The following EML6 variants were observed in gnomAD, a reference collection of about 807,000 sequenced individuals.
EML6 encodes the protein echinoderm microtubule-associated protein-like 6.
EML6 carries 154 observed loss-of-function variants against 240.1 expected under a neutral mutation model. The ratio of observed to expected loss-of-function variants is 0.64; its 90% CI spans 0.56 to 0.73. The LOEUF (loss-of-function observed/expected upper bound fraction) is 0.73. Among genes scored for constraint, EML6 ranks in the 30% least tolerant of loss-of-function variants. The pLI is 0.00. For missense variants in EML6, 2,964 were observed against 2,474.6 expected (o/e 1.20, Z -4.20); for synonymous variants, 1,148 against 899.0 (o/e 1.28, Z -4.95).
chr2:54,866,949 A>G (rs1354957848), intron 14 of EML6, 65 bp downstream of exon 14: 6 of 940,560 alleles, frequency 6.4e-6, no homozygotes, highest in East Asian at 5.3e-5. Flanking sequence ...CACCAACCTT[A>G]GCACCAGGCT....
intron 41 of EML6, among the ~76,000 whole-genome samples, chr2:54,969,868 A>T (rs1676914235): frequency 6.6e-6 from 1 of 152,188 alleles, no homozygotes; most frequent in Admixed American, 6.5e-5. Context: ...AACCAAACAG[A>T]ACTCAACTGA....
At chr2:54,755,391 T>G (rs1250723094) in intron 2 of EML6, among the ~76,000 whole-genome samples, 1 of 152,238 alleles carries the variant, frequency 6.6e-6, no homozygotes, top group Non-Finnish European at 1.5e-5. Flanking sequence ...CAATTTCCAT[T>G]AAAAACCTGC....
At chr2:54,830,018 C>A (rs933336566) in intron 7 of EML6, among the ~76,000 whole-genome samples, 5 of 152,112 alleles carry the variant, frequency 3.3e-5, no homozygotes, top group Non-Finnish European at 7.3e-5. Context: ...CTAGCACCAG[C>A]CTCCCATAGT....
intron 21 of EML6, among the ~76,000 whole-genome samples, chr2:54,897,582 T>C (rs765330365): frequency 6.6e-6 from 1 of 152,206 alleles, no homozygotes; most frequent in African/African-American, 2.4e-5. Flanking sequence ...ATCTCTTAGC[T>C]TGGACACTTC....
chr2:54,889,814 G>T (rs1387999238), intron 17 of EML6, among the ~76,000 whole-genome samples: 2 of 152,186 alleles, frequency 1.3e-5, no homozygotes, highest in Non-Finnish European at 2.9e-5. Flanking sequence ...TTAAATGGTA[G>T]TGGTAATTAT....
chr2:54,868,866 G>C (rs994085994), intron 14 of EML6: 1 of 257,676 alleles, frequency 3.9e-6, no homozygotes, highest in African/African-American at 2.2e-5. Flanking sequence ...TATGAGAGGG[G>C]AGATGGGAAA....
At chr2:54,861,688 C>A (rs1033092848) in intron 12 of EML6, among the ~76,000 whole-genome samples, 1 of 151,858 alleles carries the variant, frequency 6.6e-6, no homozygotes, top group African/African-American at 2.4e-5. Flanking sequence ...TTGAGAGGCA[C>A]CTTAAAACCA....
At chr2:54,913,105 G>C (rs1007612434) in intron 25 of EML6, among the ~76,000 whole-genome samples, 3 of 136,000 alleles carry the variant, frequency 2.2e-5, no homozygotes, top group Non-Finnish European at 4.6e-5. Context: ...TTTAATAATA[G>C]CCATTCTGAA....
chr2:54,961,060 G>C (rs1215978028), intron 35 of EML6, among the ~76,000 whole-genome samples: 1 of 151,932 alleles, frequency 6.6e-6, no homozygotes, highest in Non-Finnish European at 1.5e-5. Flanking sequence ...ACTGGATATG[G>C]AGTACCACAT....
intron 7 of EML6, among the ~76,000 whole-genome samples, chr2:54,831,544 C>G (rs191048040): frequency 1.3e-5 from 2 of 152,194 alleles, no homozygotes; most frequent in African/African-American, 4.8e-5. Flanking sequence ...GATTCCCGCC[C>G]CATCCTTACC....
At chr2:54,854,513 T>C (rs1265100795) in intron 11 of EML6, among the ~76,000 whole-genome samples, 2 of 152,242 alleles carry the variant, frequency 1.3e-5, no homozygotes, top group African/African-American at 4.8e-5. Flanking sequence ...GCAAAGCCCA[T>C]ATTCAGGCTC....
chr2:54,886,092 C>T lies in EML6; in HGVS notation c.2439-4962C>T, dbSNP rs943371858. 2.6e-5 allele frequency among the ~76,000 whole-genome samples: 4 copies of T among 151,066 alleles called. No homozygotes were observed. In the East Asian group the frequency reaches 5.8e-4, roughly 22 times the overall value. ...CATAATGAACCTTCTGTACCCATCA[C>T]CCAACTGTGACAATGATCAGCATAC... On this transcript the variant is annotated intron_variant, in intron 17 of 41. Coordinates refer to ENST00000356458, the MANE Select transcript of EML6 (RefSeq NM_001039753.4).
chr2:54,797,503 G>C (rs1669885493), intron 2 of EML6, among the ~76,000 whole-genome samples: 3 of 152,120 alleles, frequency 2.0e-5, no homozygotes. Flanking sequence ...TCAGACCACT[G>C]CAATAAAGCG....
intron 2 of EML6, among the ~76,000 whole-genome samples, chr2:54,780,611 C>T (rs760043827): frequency 9.9e-5 from 15 of 152,092 alleles, no homozygotes; most frequent in South Asian, 2.1e-4. Flanking sequence ...AGAAATACAC[C>T]GTTATTATGT....
chr2:54,813,462 C>T (rs1667950712), intron 3 of EML6, 71 bp downstream of exon 3: 1 of 1,268,230 alleles, frequency 7.9e-7, no homozygotes, highest in Non-Finnish European at 1.1e-6. Flanking sequence ...ATAGGAATAG[C>T]CAGTAGATTC....
intron 2 of EML6, among the ~76,000 whole-genome samples, chr2:54,733,771 A>G (rs1683271174): frequency 6.6e-6 from 1 of 152,200 alleles, no homozygotes; most frequent in Admixed American, 6.5e-5. Flanking sequence ...GAATTGCTCT[A>G]TCATGGGTCA....
intron 2 of EML6, among the ~76,000 whole-genome samples, chr2:54,790,514 C>T (rs945549674): frequency 1.3e-5 from 2 of 152,126 alleles, no homozygotes; most frequent in East Asian, 1.9e-4. Context: ...TCTATTGTCA[C>T]CACCCATTTC....
At chr2:54,933,417 C>T (rs1346072788) in intron 28 of EML6, among the ~76,000 whole-genome samples, 2 of 152,142 alleles carry the variant, frequency 1.3e-5, no homozygotes, top group East Asian at 1.9e-4. Flanking sequence ...TATATATTCT[C>T]TTAAAATGGC....
At chr2:54,885,270 C>T (rs551218549) in intron 17 of EML6, among the ~76,000 whole-genome samples, 1 of 152,036 alleles carries the variant, frequency 6.6e-6, no homozygotes, top group Non-Finnish European at 1.5e-5. Context: ...CATGGTAAAA[C>T]CACCATCTCT....
Sources: allele counts gnomAD v4.1 joint callset (sites outside exome capture counted in the v4.1 genomes callset), GRCh38; gene constraint gnomAD v4.1.1; transcripts MANE v1.5; gene names NCBI Gene and HGNC (gene_info 2026-07-23, HGNC 2026-07-21).